The following SPTLC3 variants were observed in gnomAD, a reference collection of about 807,000 sequenced individuals.
The protein encoded by SPTLC3 is serine palmitoyltransferase long chain base subunit 3, also known as serine palmitoyltransferase 3.
SPTLC3 carries 36 observed loss-of-function variants against 59.3 expected under a neutral mutation model. The ratio of observed to expected loss-of-function variants is 0.61; its 90% CI spans 0.47 to 0.80. The LOEUF (loss-of-function observed/expected upper bound fraction) is 0.80, where lower values mean the gene tolerates loss of function less well. Ranked by LOEUF, SPTLC3 falls within the 30% of genes least tolerant of loss-of-function variation. The pLI is 0.00. For synonymous variants in SPTLC3, 257 were observed against 240.8 expected, an observed-to-expected ratio of 1.07 and a Z score of -0.62; for missense variants, 625 against 685.1, an observed-to-expected ratio of 0.91 and a Z score of 0.98.
chr20:13,099,055 T>C (rs1435144687), intron 6 of SPTLC3, among the ~76,000 whole-genome samples: 1 of 152,060 alleles, frequency 6.6e-6, no homozygotes, highest in Non-Finnish European at 1.5e-5. Context: ...CCTACAAACA[T>C]TATGTTGCCT....
At chr20:13,077,934 C>A (rs1188026767) in intron 4 of SPTLC3, among the ~76,000 whole-genome samples, 1 of 151,532 alleles carries the variant, frequency 6.6e-6, no homozygotes, top group Admixed American at 6.6e-5. Flanking sequence ...GGAGGAGCCA[C>A]CAGCCCAAGC....
At chr20:13,028,738 A>G (rs1454600479) in intron 1 of SPTLC3, among the ~76,000 whole-genome samples, 2 of 152,086 alleles carry the variant, frequency 1.3e-5, no homozygotes, top group African/African-American at 4.8e-5. Flanking sequence ...TTTTGTCAAA[A>G]CCAGGATCAA....
chr20:13,092,317 A>T (rs1169979333), intron 5 of SPTLC3, among the ~76,000 whole-genome samples: 2 of 152,258 alleles, frequency 1.3e-5, no homozygotes, highest in Non-Finnish European at 2.9e-5. Flanking sequence ...TTCCTCAGAA[A>T]AAAATGGGAA....
intron 6 of SPTLC3, among the ~76,000 whole-genome samples, chr20:13,095,069 G>A (rs1989365178): frequency 6.6e-6 from 1 of 152,186 alleles, no homozygotes; most frequent in South Asian, 2.1e-4. Flanking sequence ...GTTTGGAGTA[G>A]ACGTCTTTCA....
At chr20:13,159,155 A>G (rs2038839140) in intron 10 of SPTLC3, among the ~76,000 whole-genome samples, 1 of 152,320 alleles carries the variant, frequency 6.6e-6, no homozygotes, top group East Asian at 1.9e-4. Context: ...TGTTACAGAG[A>G]TTAGCTCTGG....
rs532831237 is a variant in SPTLC3, at chr20:13,092,803, G to T, written c.733-681G>T. ...ATTCTGGAAGACCACAAAAGACAAA[G>T]GTCCACCATAATTTGCCTGCATTTT... On this transcript the variant is annotated intron_variant, in intron 5 of 11. Transcript: ENST00000399002. 1.4e-4 allele frequency among the ~76,000 whole-genome samples: 22 copies of T among 152,098 alleles called. 1 individual carries two copies. In the South Asian group the frequency reaches 4.6e-3, roughly 31 times the overall value.
In SPTLC3 at chr20:13,110,081, A is replaced by T. The variant is rs6109712; in HGVS notation, c.827-31A>T. 15,803 of 1,550,882 alleles carry T rather than the reference A, an allele frequency of 0.01. 1,233 individuals carry two copies. The African/African-American group carries it at 0.18, about 18-fold the overall frequency. ...AAAAGGAAAAGTAAACCCTTTCATGACTCAATTTTTTTTTTTGGTATTATT... is the reference window on the plus strand; with the variant it reads ...AAAAGGAAAAGTAAACCCTTTCATGTCTCAATTTTTTTTTTTGGTATTATT... On this transcript the variant is annotated intron_variant, in intron 6 of 11. Transcript: ENST00000399002.
chr20:13,088,731 G>C (rs1305556432), intron 4 of SPTLC3, among the ~76,000 whole-genome samples: 1 of 149,850 alleles, frequency 6.7e-6, no homozygotes, highest in African/African-American at 2.5e-5. Context: ...CAATTCTCCT[G>C]CCTCAGCCTC....
intron 1 of SPTLC3, among the ~76,000 whole-genome samples, chr20:13,047,356 A>G (rs911363750): frequency 2.6e-5 from 4 of 152,150 alleles, no homozygotes; most frequent in Admixed American, 2.6e-4. Context: ...TCAAATGTAC[A>G]CGATTTAATA....
At chr20:13,048,691 T>C (rs1476205742) in intron 1 of SPTLC3, among the ~76,000 whole-genome samples, 1 of 152,216 alleles carries the variant, frequency 6.6e-6, no homozygotes, top group Non-Finnish European at 1.5e-5. Context: ...TTGCAAACAC[T>C]CTGTTCCTCA....
At chr20:13,156,101 A>G (rs888402374) in intron 10 of SPTLC3, among the ~76,000 whole-genome samples, 2 of 152,200 alleles carry the variant, frequency 1.3e-5, no homozygotes, top group Non-Finnish European at 2.9e-5. Context: ...CATTTATTCA[A>G]AATGATTGGG....
In SPTLC3 at chr20:13,009,329, G is replaced by T; in HGVS notation, c.62G>T (p.Ser21Ile). The T allele has an allele frequency of 6.2e-7, 1 of 1,614,076 alleles. No individual in the cohort carries two copies. The highest frequency in any genetic ancestry group is 1.1e-5 in the South Asian group (1 of 91,072). ...NGKLHNHKKQSNGSQSRNCTK... is the reference protein window; with the variant it reads ...NGKLHNHKKQINGSQSRNCTK... ...AAACTTCACAATCACAAGAAACAGA[G>T]CAATGGCTCACAAAGCAGAAACTGC... Residue 21 changes from serine to isoleucine, a missense_variant, in exon 1 of 12, where the codon AGC becomes ATC. Physicochemically the swap from Ser to Ile is moderately radical, Grantham distance 142. Coordinates refer to ENST00000399002, the MANE Select transcript of SPTLC3 (RefSeq NM_018327.4).
intron 4 of SPTLC3, among the ~76,000 whole-genome samples, chr20:13,083,689 T>C (rs1178146161): frequency 2.0e-5 from 3 of 152,210 alleles, no homozygotes; most frequent in African/African-American, 7.2e-5. Flanking sequence ...GTTCCTTTTT[T>C]TTATTACCAA....
chr20:13,143,290 A>G (rs2038428758), intron 9 of SPTLC3, among the ~76,000 whole-genome samples: 1 of 152,182 alleles, frequency 6.6e-6, no homozygotes, highest in South Asian at 2.1e-4. Context: ...TCTTTGGTTC[A>G]AATTAATAGT....
At chr20:13,052,869 G>A (rs903804459) in intron 2 of SPTLC3, among the ~76,000 whole-genome samples, 5 of 152,130 alleles carry the variant, frequency 3.3e-5, no homozygotes, top group Admixed American at 2.0e-4. Flanking sequence ...CTGGCATCTC[G>A]GGAAAGAAAG....
In SPTLC3 at chr20:13,072,256, G is replaced by A. The variant is rs1568588296; in HGVS notation, c.304G>A (p.Asp102Asn). Reference protein sequence around the residue: ...NAAVERKEQKDFVPLYQDFEN... With the variant: ...NAAVERKEQKNFVPLYQDFEN... ...TAACCTTCTACCTCTGTTCTAACAG[G>A]ATTTTGTGCCACTGTATCAAGACTT... is the stretch of plus-strand genomic sequence containing the variant. The change falls in exon 3 of 12, where the codon GAT becomes AAT. Residue 102 changes from aspartate to asparagine, a missense_variant and splice_region_variant. By Grantham distance (23) the Asp-to-Asn change is conservative (BLOSUM62 1). Transcript: ENST00000399002. 5 of 1,610,120 alleles carry A rather than the reference G, an allele frequency of 3.1e-6. No homozygotes were observed. The highest frequency in any genetic ancestry group is 1.3e-5 in the African/African-American group (1 of 74,556).
chr20:13,091,549 G>A (rs1482036014), intron 5 of SPTLC3, among the ~76,000 whole-genome samples: 1 of 148,866 alleles, frequency 6.7e-6, no homozygotes, highest in Admixed American at 6.8e-5. Context: ...CTCTAGCCTG[G>A]TGACAGAGTG....
chr20:13,122,046 C>T (rs1412564277), intron 8 of SPTLC3, among the ~76,000 whole-genome samples: 1 of 152,182 alleles, frequency 6.6e-6, no homozygotes, highest in Non-Finnish European at 1.5e-5. Context: ...AGCTAAGAGA[C>T]AATTGCTACA....
intron 8 of SPTLC3, among the ~76,000 whole-genome samples, chr20:13,122,307 T>G (rs1165673092): frequency 6.6e-6 from 1 of 152,244 alleles, no homozygotes; most frequent in East Asian, 1.9e-4. Flanking sequence ...TGACTCAATC[T>G]GTGATTTAGT....
Sources: gnomAD v4.1 joint callset for allele counts (sites outside exome capture counted in the v4.1 genomes callset) on GRCh38, gnomAD v4.1.1 for gene constraint, MANE v1.5 for transcripts, NCBI Gene and HGNC (gene_info 2026-07-23, HGNC 2026-07-21) for gene names.